Variants in ZMYND15 observed in about 807,000 individuals in gnomAD.
The protein encoded by ZMYND15 is zinc finger MYND domain-containing protein 15.
ZMYND15 carries 54 observed loss-of-function variants against 81.7 expected under a neutral mutation model. That is an observed-to-expected ratio of 0.66 (90% CI 0.53 to 0.83). ZMYND15 has a LOEUF of 0.83. ZMYND15 is among the 40% of genes least tolerant of loss of function. The pLI is 0.00. For missense variants in ZMYND15, 925 were observed against 973.5 expected (o/e 0.95, Z 0.66); for synonymous variants, 399 against 387.0 (o/e 1.03, Z -0.36).
chr17:4,739,936 G>A lies in ZMYND15; in HGVS notation c.-145G>A. 1.0e-6 allele frequency: 1 copy of A among 985,286 alleles called. No individual in the cohort carries two copies. The highest frequency in any genetic ancestry group is 1.2e-6 in the Non-Finnish European group (1 of 829,954). 61.0% of individuals were successfully genotyped at this position (985,286 alleles called of 1,614,324 possible). A position where few individuals can be genotyped will look rare whatever the true frequency, so the allele number is the denominator to read the frequency against. ...GCCACCCGCGGACGCACCGAGCCCG[G>A]GGGGCGTGGCCGCCCGCTGAGCCGG... is the stretch of plus-strand genomic sequence containing the variant. On this transcript the variant is annotated 5_prime_UTR_variant, in exon 1 of 14. Transcript: ENST00000433935. The surrounding 1 kb of genome is among the most constrained non-coding windows in gnomAD (Gnocchi z 5.3).
At position 4,740,531 on chromosome 17, in the gene ZMYND15, C is replaced by A; in HGVS notation, c.-18C>A. 1.3e-6 allele frequency: 2 copies of A among 1,572,504 alleles called. No individual in the cohort carries two copies. On this transcript the variant is annotated 5_prime_UTR_variant, in exon 2 of 14. Coordinates refer to ENST00000433935, the MANE Select transcript of ZMYND15 (RefSeq NM_001136046.3). The stretch of plus-strand genomic sequence containing the variant: ...TTCTTTTGCTCAGTCTGGGCCGGGG[C>A]CCTGTGCCGCTGAAGACATGGAGTT...
chr17:4,743,760 C>T lies in ZMYND15; in HGVS notation c.1298-7C>T. The T allele has an allele frequency of 3.1e-6, 5 of 1,612,668 alleles. No homozygotes were observed. The highest frequency in any genetic ancestry group is 4.2e-6 in the Non-Finnish European group (5 of 1,179,414). On this transcript the variant is annotated splice_region_variant and splice_polypyrimidine_tract_variant and intron_variant, in intron 6 of 13. Transcript: ENST00000433935. The surrounding 1 kb of genome is among the most constrained non-coding windows in gnomAD (Gnocchi z 4.3). ...ACCCCAGGCCCCTCCTTCTTTCATC[C>T]TCTCAGGAGACCCCTACCAGCTTCT...
At position 4,739,863 on chromosome 17, in the gene ZMYND15, C is replaced by G. The variant is rs1170729374; in HGVS notation, c.-218C>G. ...CGCTGCATGAGCCTCCCGGGCGGCC[C>G]GGTGGAGAGAGTCGCCGCCAGCCCC... On this transcript the variant is annotated 5_prime_UTR_variant, in exon 1 of 14. Transcript: ENST00000433935. The surrounding 1 kb of genome is among the most constrained non-coding windows in gnomAD (Gnocchi z 5.3). 3 of 986,374 alleles carry G rather than the reference C, an allele frequency of 3.0e-6. No individual in the cohort carries two copies. Among genetic ancestry groups the G allele is most frequent in the Admixed American group, 6.2e-5 (1 of 16,248 alleles). 61.1% of individuals were successfully genotyped at this position (986,374 alleles called of 1,614,324 possible). A position where few individuals can be genotyped will look rare whatever the true frequency, so the allele number is the denominator to read the frequency against.
chr17:4,740,841 G>A lies in ZMYND15; in HGVS notation c.293G>A (p.Arg98Gln), dbSNP rs752191641. ...LLGDNPPLHL[R>Q]DLSPYISFVS... The stretch of plus-strand genomic sequence containing the variant: ...GGAGACAACCCTCCACTCCACCTGC[G>A]AGACCTGAGCCCCTACATCAGCTTT... Residue 98 changes from arginine (R) to glutamine (Q), a missense_variant, in exon 2 of 14, where the codon CGA (arginine) becomes CAA (glutamine). Arg to Gln is a conservative substitution (Grantham distance 43). Transcript: ENST00000433935. 7.6e-6 allele frequency: 12 copies of A among 1,579,090 alleles called. No homozygotes were observed. The Admixed American group carries it at 1.1e-4, about 14-fold the overall frequency.
At position 4,743,459 on chromosome 17, in the gene ZMYND15, C is replaced by T. The variant is rs748063778; in HGVS notation, c.1297+4C>T. 14 of 1,613,590 alleles carry T rather than the reference C, an allele frequency of 8.7e-6. No homozygotes were observed. The highest frequency in any genetic ancestry group is 1.7e-5 in the Admixed American group (1 of 59,956). ...TCCCTCAGCCTTCTTCGCGGTGGTG[C>T]GTGGGGTCTCTCCAGGCATGGGCCC... On this transcript the variant is annotated splice_donor_region_variant and intron_variant, in intron 6 of 13. Coordinates refer to ENST00000433935, the MANE Select transcript of ZMYND15 (RefSeq NM_001136046.3). The surrounding 1 kb of genome is among the most constrained non-coding windows in gnomAD (Gnocchi z 4.3).
rs80002547 is a variant in ZMYND15 at position 4,742,518 on chromosome 17, G to A, written c.1144+27G>A. On this transcript the variant is annotated intron_variant, in intron 5 of 13. Coordinates refer to ENST00000433935, the MANE Select transcript of ZMYND15 (RefSeq NM_001136046.3). ...TACCATAAGGAGGTCAGAATGGTTG[G>A]GGGAAACTGGGACCAGGTCTTTGAG... 193 of 1,608,426 alleles carry A rather than the reference G, an allele frequency of 1.2e-4. 1 individual carries two copies. In the African/African-American group the frequency reaches 2.4e-3, roughly 20 times the overall value.
At position 4,740,035 on chromosome 17, in the gene ZMYND15, G is replaced by T. The variant is rs936667550; in HGVS notation, c.-46G>T. 2.0e-6 allele frequency: 2 copies of T among 985,478 alleles called. No individual in the cohort carries two copies. Among genetic ancestry groups the T allele is most frequent in the African/African-American group, 3.5e-5 (2 of 57,218 alleles). The allele number at this position is 985,478 out of a possible 1,614,324, so 61.0% of individuals were successfully genotyped here. ...ACCGCGAGGTATTTACCTTCGAAAA[G>T]TGGTGGCGGCTGCAGGTACCGGAGG... On this transcript the variant is annotated 5_prime_UTR_variant, in exon 1 of 14. Coordinates refer to ENST00000433935, the MANE Select transcript of ZMYND15 (RefSeq NM_001136046.3).
chr17:4,741,714 C>T lies in ZMYND15; in HGVS notation c.725C>T (p.Pro242Leu), dbSNP rs148692052. Residue 242 changes from proline (P) to leucine (L), a missense_variant, in exon 3 of 14, where the codon CCT becomes CTT. Pro to Leu is a moderately conservative substitution (Grantham distance 98). Coordinates refer to ENST00000433935, the MANE Select transcript of ZMYND15 (RefSeq NM_001136046.3). ...SWGSGTKDLA[P>L]WAYALLCHSM... The stretch of plus-strand genomic sequence containing the variant: ...GGCTCAGGGACCAAGGACCTGGCTC[C>T]TTGGGCCTATGCTCTCCTCTGTCAC... 7 of 1,613,734 alleles carry T rather than the reference C, an allele frequency of 4.3e-6. No homozygotes were observed. In the African/African-American group the frequency reaches 8.0e-5, roughly 18 times the overall value.
chr17:4,739,970 C>T lies in ZMYND15; in HGVS notation c.-111C>T. The T allele has an allele frequency of 1.0e-6, 1 of 985,264 alleles. No individual in the cohort carries two copies. The highest frequency in any genetic ancestry group is 1.2e-6 in the Non-Finnish European group (1 of 829,894). The allele number at this position is 985,264 out of a possible 1,614,324, so 61.0% of individuals were successfully genotyped here. ...GCCGCCCGCTGAGCCGGCGAGGGCT[C>T]GGGCAGCCCTGACGTCACAACCGCA... On this transcript the variant is annotated 5_prime_UTR_variant, in exon 1 of 14. Coordinates refer to ENST00000433935, the MANE Select transcript of ZMYND15 (RefSeq NM_001136046.3). This position sits in a 1 kb window ranked among gnomAD's most constrained non-coding sequence, Gnocchi z 5.3.
At position 4,739,933 on chromosome 17, in the gene ZMYND15, C is replaced by T; in HGVS notation, c.-148C>T. Reference sequence around the variant, plus strand: ...GCAGCCACCCGCGGACGCACCGAGCCCGGGGGGCGTGGCCGCCCGCTGAGC... The same window carrying T: ...GCAGCCACCCGCGGACGCACCGAGCTCGGGGGGCGTGGCCGCCCGCTGAGC... On this transcript the variant is annotated 5_prime_UTR_variant, in exon 1 of 14. Coordinates refer to ENST00000433935, the MANE Select transcript of ZMYND15 (RefSeq NM_001136046.3). The surrounding 1 kb of genome is among the most constrained non-coding windows in gnomAD (Gnocchi z 5.3). The T allele has an allele frequency of 1.0e-6, 1 of 985,270 alleles. No individual in the cohort carries two copies. The highest frequency in any genetic ancestry group is 5.2e-4 in the Middle Eastern group (1 of 1,912). The allele number at this position is 985,270 out of a possible 1,614,324, so 61.0% of individuals were successfully genotyped here. A position where few individuals can be genotyped will look rare whatever the true frequency, so the allele number is the denominator to read the frequency against.
chr17:4,742,168 G>A (rs1451564677), intron 4 of ZMYND15, 98 bp downstream of exon 4: 22 of 1,566,798 alleles, frequency 1.4e-5, no homozygotes, highest in Non-Finnish European at 1.8e-5. Context: ...AGGAGAGGCA[G>A]GGACATGAGA....
intron 4 of ZMYND15, 40 bp downstream of exon 4, chr17:4,742,110 A>G (rs755684314): frequency 7.5e-6 from 12 of 1,609,492 alleles, no homozygotes; most frequent in Non-Finnish European, 1.0e-5. Context: ...AGACCCCAAT[A>G]GGCAAATAGA....
Position 4,741,575 on chromosome 17 carries a change from TC to T in ZMYND15, c.593-3del. ...CCTACCACCTCAACTTTTCCCTCTTTCCCCAGAGGCTGCCCCCCTGCACGTT... is the reference window on the plus strand; with the variant it reads ...CCTACCACCTCAACTTTTCCCTCTTTCCCAGAGGCTGCCCCCCTGCACGTT... On this transcript the variant is annotated splice_polypyrimidine_tract_variant and splice_region_variant and intron_variant, in intron 2 of 13. Coordinates refer to ENST00000433935, the MANE Select transcript of ZMYND15 (RefSeq NM_001136046.3). 1 of 1,613,854 alleles carries T rather than the reference TC, an allele frequency of 6.2e-7. No homozygotes were observed. The highest frequency in any genetic ancestry group is 8.5e-7 in the Non-Finnish European group (1 of 1,179,830).
At chr17:4,740,402 T>A in intron 1 of ZMYND15, 117 bp from the exon 2 acceptor site, 1 of 1,360,710 alleles carries the variant, frequency 7.3e-7, no homozygotes, top group Non-Finnish European at 9.5e-7. Flanking sequence ...TCCTAGCATA[T>A]CCACGGATCC....
Position 4,742,400 on chromosome 17 carries a change from T to C in ZMYND15, c.1053T>C (p.Asp351=). 1.9e-6 allele frequency: 3 copies of C among 1,614,166 alleles called. No homozygotes were observed. Among genetic ancestry groups the C allele is most frequent in the African/African-American group, 2.7e-5 (2 of 75,054 alleles). The change falls in exon 5 of 14, where the codon GAT becomes GAC. Residue 351 remains aspartate, a synonymous_variant. Coordinates refer to ENST00000433935, the MANE Select transcript of ZMYND15 (RefSeq NM_001136046.3). The stretch of plus-strand genomic sequence containing the variant: ...GGGCTGACTGGCAGCGGTGCCCAGA[T>C]GATGTGAGTCACCGATTTTGGTGCC... ...CLRADWQRCP[D]DVSHRFWCPR... is the part of the protein sequence containing the mutation.
intron 2 of ZMYND15, 72 bp from the exon 3 acceptor site, chr17:4,741,510 T>C: frequency 6.5e-7 from 1 of 1,544,892 alleles, no homozygotes; most frequent in East Asian, 2.2e-5. Flanking sequence ...TATTTGAGTT[T>C]GGTACTCCTG....
Position 4,743,807 on chromosome 17 carries a change from G to C in ZMYND15, c.1338G>C (p.Leu446=). 6.2e-7 allele frequency: 1 copy of C among 1,614,078 alleles called. No individual in the cohort carries two copies. The highest frequency in any genetic ancestry group is 8.5e-7 in the Non-Finnish European group (1 of 1,180,000). The change falls in exon 7 of 14, where the codon CTG becomes CTC. Residue 446 remains leucine (L), a synonymous_variant. Coordinates refer to ENST00000433935, the MANE Select transcript of ZMYND15 (RefSeq NM_001136046.3). This position sits in a 1 kb window ranked among gnomAD's most constrained non-coding sequence, Gnocchi z 4.3. ...TTCTCCAGGGAGACGGGACTGCCCT[G>C]ATGCCTCCTGTGCCCCCACATCCAC... ...YQLLQGDGTA[L]MPPVPPHPPR...
chr17:4,742,871 GGT>G (rs1916488100), intron 5 of ZMYND15, among the ~76,000 whole-genome samples: 1 of 152,154 alleles, frequency 6.6e-6, no homozygotes, highest in African/African-American at 2.4e-5. Flanking sequence ...CTTGGTGCCT[GGT>G]ACGCTGGAGG....
chr17:4,742,410 C>T lies in ZMYND15; in HGVS notation c.1063C>T (p.His355Tyr). Residue 355 changes from histidine (H) to tyrosine (Y), a missense_variant, in exon 5 of 14, where the codon CAC becomes TAC. His to Tyr is a moderately conservative substitution (Grantham distance 83). Transcript: ENST00000433935. ...GCAGCGGTGCCCAGATGATGTGAGT[C>T]ACCGATTTTGGTGCCCAAGGCTTGC... ...DWQRCPDDVS[H>Y]RFWCPRLAAF... The T allele has an allele frequency of 6.2e-7, 1 of 1,614,148 alleles. No homozygotes were observed. Among genetic ancestry groups the T allele is most frequent in the Non-Finnish European group, 8.5e-7 (1 of 1,180,036 alleles).
Sources: gnomAD v4.1 joint callset for allele counts (sites outside exome capture counted in the v4.1 genomes callset) on GRCh38, gnomAD v4.1.1 for gene constraint, Gnocchi (gnomAD v3.1) non-coding constraint, MANE v1.5 for transcripts, NCBI Gene and HGNC (gene_info 2026-07-23, HGNC 2026-07-21) for gene names.